PALM2AKAP2: variants seen among roughly 807,000 people sequenced by gnomAD.
PALM2AKAP2 encodes the protein PALM2 and AKAP2 fusion.
PALM2AKAP2 carries 37 observed loss-of-function variants against 71.5 expected under a neutral mutation model. The ratio of observed to expected loss-of-function variants is 0.52; its 90% CI spans 0.40 to 0.68. PALM2AKAP2 has a LOEUF of 0.68. Among genes scored for constraint, PALM2AKAP2 ranks in the 30% least tolerant of loss-of-function variants. The pLI, the probability that PALM2AKAP2 is intolerant of heterozygous loss-of-function variation, is 0.00. For missense variants in PALM2AKAP2, 1,224 were observed against 1,191.8 expected, an observed-to-expected ratio of 1.03 and a Z score of -0.40; for synonymous variants, 468 against 478.8, an observed-to-expected ratio of 0.98 and a Z score of 0.29.
chr9:109,875,063 A>T (rs1829689787), intron 2 of PALM2AKAP2, among the ~76,000 whole-genome samples: 1 of 152,112 alleles, frequency 6.6e-6, no homozygotes, highest in Non-Finnish European at 1.5e-5. Context: ...AATCCTACCT[A>T]ATCTGGCCCC....
chr9:109,694,197 G>A lies in PALM2AKAP2; in HGVS notation c.5+53331G>A, dbSNP rs576165190. Among the ~76,000 whole-genome samples the A allele has an allele frequency of 9.2e-5, 14 of 152,126 alleles. No individual in the cohort carries two copies. The South Asian group carries it at 2.7e-3, about 29-fold the overall frequency. On this transcript the variant is annotated intron_variant, in intron 1 of 6. Transcript: ENST00000374531. ...AGAAAGTGTATATACTAGAAGTTATGTACAGGCTAGACCATAGGGCTCAGA... is the reference window on the plus strand; with the variant it reads ...AGAAAGTGTATATACTAGAAGTTATATACAGGCTAGACCATAGGGCTCAGA...
At chr9:110,124,410 A>G (rs1027873143) in intron 1 of PALM2AKAP2, among the ~76,000 whole-genome samples, 6 of 152,204 alleles carry the variant, frequency 3.9e-5, no homozygotes, top group Non-Finnish European at 7.3e-5. Context: ...CTAAAATCTT[A>G]CTGAAAAAGT....
chr9:109,801,169 T>C (rs901481057), intron 1 of PALM2AKAP2, among the ~76,000 whole-genome samples: 1 of 152,194 alleles, frequency 6.6e-6, no homozygotes, highest in African/African-American at 2.4e-5. Context: ...CCTGTTGTCC[T>C]AAAAGTATAG....
At chr9:109,985,178 A>G (rs1446980740) in intron 6 of PALM2AKAP2, among the ~76,000 whole-genome samples, 1 of 152,052 alleles carries the variant, frequency 6.6e-6, no homozygotes, top group Admixed American at 6.5e-5. Context: ...TCCGTCTCAA[A>G]AAAACAAAAC....
At chr9:109,951,392 G>A (rs1831637832) in intron 6 of PALM2AKAP2, among the ~76,000 whole-genome samples, 1 of 152,232 alleles carries the variant, frequency 6.6e-6, no homozygotes, top group Non-Finnish European at 1.5e-5. Flanking sequence ...GACACTACCA[G>A]CGACAGCTGA....
intron 1 of PALM2AKAP2, among the ~76,000 whole-genome samples, chr9:109,748,123 G>A (rs528396583): frequency 6.6e-6 from 1 of 152,166 alleles, no homozygotes; most frequent in African/African-American, 2.4e-5. Flanking sequence ...TTTATTCTAG[G>A]ATACTTAGTT....
At chr9:110,060,042 A>T (rs1833928267) in intron 1 of PALM2AKAP2, among the ~76,000 whole-genome samples, 1 of 152,186 alleles carries the variant, frequency 6.6e-6, no homozygotes. Context: ...ATGGTCTACT[A>T]GGCTTTTTAT....
At chr9:109,760,395 T>C (rs1829032338) in intron 1 of PALM2AKAP2, 1 of 152,208 alleles carries the variant, frequency 6.6e-6, no homozygotes, top group Admixed American at 6.5e-5. Flanking sequence ...TTAGAAATTA[T>C]TTTCTATAGA....
intron 1 of PALM2AKAP2, among the ~76,000 whole-genome samples, chr9:109,844,038 C>T (rs970053892): frequency 6.6e-6 from 1 of 152,168 alleles, no homozygotes; most frequent in African/African-American, 2.4e-5. Context: ...TCTCAAACTG[C>T]CTTTTGATGA....
upstream of PALM2AKAP2, chr9:110,048,684 C>A (rs778235530): frequency 6.5e-7 from 1 of 1,532,258 alleles, no homozygotes; most frequent in Admixed American, 1.9e-5. Flanking sequence ...CGCCCGGAGG[C>A]TACCACTCCC....
At chr9:109,780,440 CGT>C (rs1829423258), upstream of PALM2AKAP2, 1 of 1,612,350 alleles carries the variant, frequency 6.2e-7, no homozygotes, top group South Asian at 1.1e-5. Flanking sequence ...GTGACTACAG[CGT>C]GTGTTTTTTC....
At chr9:110,079,144 G>A (rs1038045848) in intron 1 of PALM2AKAP2, among the ~76,000 whole-genome samples, 4 of 152,090 alleles carry the variant, frequency 2.6e-5, no homozygotes, top group African/African-American at 9.7e-5. Flanking sequence ...TCCTGGTTAT[G>A]GTCAACATTT....
rs538866643 is a variant in PALM2AKAP2 at position 109,878,429 on chromosome 9, T to C, written c.127-2122T>C. ...ACAAACTCAAGTCTTTAAGCCTAAT[T>C]ATTAAAAAATTACAGGTCAAGTACC... On this transcript the variant is annotated intron_variant, in intron 2 of 9. Transcript: ENST00000302798. Among the ~76,000 whole-genome samples, 13 of 152,254 alleles carry C rather than the reference T, an allele frequency of 8.5e-5. No homozygotes were observed. In the East Asian group the frequency reaches 2.5e-3, roughly 29 times the overall value.
rs1041860935 is a variant in PALM2AKAP2 at position 109,998,235 on chromosome 9, C to A, written c.497-17719C>A. 3.3e-5 allele frequency among the ~76,000 whole-genome samples: 5 copies of A among 152,322 alleles called. No individual in the cohort carries two copies. In the East Asian group the frequency reaches 5.8e-4, roughly 18 times the overall value. On this transcript the variant is annotated intron_variant, in intron 6 of 9. Transcript: ENST00000302798. The stretch of plus-strand genomic sequence containing the variant: ...CTGGTTTAGGAAAAGCAGAGGCATT[C>A]TTGTCTCCTTCAGTCCCAGCTTAGT...
chr9:109,651,824 G>T (rs1316193430), intron 1 of PALM2AKAP2, among the ~76,000 whole-genome samples: 1 of 152,114 alleles, frequency 6.6e-6, no homozygotes, highest in African/African-American at 2.4e-5. Flanking sequence ...ATGCCTTAGA[G>T]GGAAGACCAA....
rs1647287996 is a variant in PALM2AKAP2 at position 109,928,042 on chromosome 9, C to G, written c.394+2960C>G. Among the ~76,000 whole-genome samples, 4 of 152,302 alleles carry G rather than the reference C, an allele frequency of 2.6e-5. No homozygotes were observed. In the South Asian group the frequency reaches 8.3e-4, roughly 32 times the overall value. On this transcript the variant is annotated intron_variant, in intron 5 of 9. Coordinates refer to the PALM2AKAP2 transcript ENST00000302798. ...GCTTAGAGCGTTTCCCACATCAAAA[C>G]CTTCATACCAGTTATTCGCAAACCT...
At chr9:109,745,479 T>C (rs1408582278) in intron 1 of PALM2AKAP2, among the ~76,000 whole-genome samples, 2 of 151,604 alleles carry the variant, frequency 1.3e-5, no homozygotes, top group Non-Finnish European at 2.9e-5. Flanking sequence ...TCGACTCTAG[T>C]GGCTGTCAGT....
chr9:110,140,970 G>A (rs1015846725), intron 2 of PALM2AKAP2, among the ~76,000 whole-genome samples: 13 of 152,186 alleles, frequency 8.5e-5, no homozygotes, highest in African/African-American at 2.9e-4. Flanking sequence ...TGAATAATGG[G>A]GGGGCGGGCA....
intron 1 of PALM2AKAP2, among the ~76,000 whole-genome samples, chr9:109,865,690 G>A (rs1019934632): frequency 6.6e-6 from 1 of 152,178 alleles, no homozygotes; most frequent in African/African-American, 2.4e-5. Context: ...AATATTTGTG[G>A]AAATCTTGAG....
Sources: gnomAD v4.1 joint callset for allele counts (sites outside exome capture counted in the v4.1 genomes callset) on GRCh38, gnomAD v4.1.1 for gene constraint, MANE v1.5 for transcripts, NCBI Gene and HGNC (gene_info 2026-07-23, HGNC 2026-07-21) for gene names.